Variants in HS6ST3 observed in about 807,000 individuals in gnomAD.
The protein encoded by HS6ST3 is heparan-sulfate 6-O-sulfotransferase 3.
A neutral mutation model predicts 36.7 loss-of-function variants in HS6ST3; 12 were observed. The observed-to-expected ratio is 0.33, with a 90% CI of 0.21 to 0.53. The LOEUF (loss-of-function observed/expected upper bound fraction) is 0.53, where lower values mean the gene tolerates loss of function less well. Ranked by LOEUF, HS6ST3 falls within the 20% of genes least tolerant of loss-of-function variation. The pLI, the probability that HS6ST3 is intolerant of heterozygous loss-of-function variation, is 0.95. For synonymous variants in HS6ST3, 240 were observed against 257.5 expected (o/e 0.93, Z 0.65); for missense variants, 584 against 640.9 (o/e 0.91, Z 0.96).
chr13:96,826,223 C>T (rs1242810015), intron 1 of HS6ST3, among the ~76,000 whole-genome samples: 5 of 152,116 alleles, frequency 3.3e-5, no homozygotes, highest in Non-Finnish European at 7.4e-5. Context: ...TCCATATCAC[C>T]TACCATCACA....
intron 1 of HS6ST3, among the ~76,000 whole-genome samples, chr13:96,252,228 C>T (rs116724921): frequency 1.7e-4 from 26 of 152,274 alleles, no homozygotes; most frequent in African/African-American, 6.0e-4. Flanking sequence ...TGTATATTTA[C>T]AATTGATGTA....
intron 1 of HS6ST3, among the ~76,000 whole-genome samples, chr13:96,499,483 A>C (rs2055993667): frequency 6.6e-6 from 1 of 152,108 alleles, no homozygotes; most frequent in African/African-American, 2.4e-5. Context: ...TGTTTACTGA[A>C]GTTATTAAGT....
chr13:96,515,763 T>C (rs1260551517), intron 1 of HS6ST3, among the ~76,000 whole-genome samples: 1 of 152,222 alleles, frequency 6.6e-6, no homozygotes, highest in Non-Finnish European at 1.5e-5. Flanking sequence ...GTAAGTTTCC[T>C]GAGGCCTCCC....
intron 1 of HS6ST3, among the ~76,000 whole-genome samples, chr13:96,474,116 A>ATT (rs5805973): frequency 4.6e-5 from 7 of 151,886 alleles, no homozygotes; most frequent in African/African-American, 1.7e-4. Flanking sequence ...TGCTTCATTG[A>ATT]TTTTTGCTGG....
intron 1 of HS6ST3, among the ~76,000 whole-genome samples, chr13:96,400,155 T>TCACA (rs55957302): frequency 0.011 from 1,569 of 145,262 alleles, 16 homozygotes; most frequent in East Asian, 0.027. Context: ...AGTGCTGAAA[T>TCACA]CACACACACA....
At chr13:96,722,501 CTT>C (rs976695245) in intron 1 of HS6ST3, among the ~76,000 whole-genome samples, 1 of 152,220 alleles carries the variant, frequency 6.6e-6, no homozygotes, top group Admixed American at 6.5e-5. Context: ...GGTCGTGACT[CTT>C]ATATTTTCTA....
At chr13:96,737,647 A>G (rs1262477932) in intron 1 of HS6ST3, among the ~76,000 whole-genome samples, 1 of 151,598 alleles carries the variant, frequency 6.6e-6, no homozygotes, top group Non-Finnish European at 1.5e-5. Context: ...AAAAAAAAAA[A>G]AAAAAAAAAA....
intron 1 of HS6ST3, among the ~76,000 whole-genome samples, chr13:96,484,044 C>A (rs2138900030): frequency 6.6e-6 from 1 of 152,186 alleles, no homozygotes; most frequent in South Asian, 2.1e-4. Context: ...TGTCAAAGAT[C>A]AGTTGACTAT....
In HS6ST3 at chr13:96,423,478, C is replaced by T. The variant is rs893823640; in HGVS notation, c.707+331909C>T. ...ATTGGCTGGAGAGTGTGCTGGGGTCCGGTGGAGTGAGGGTGACTGTCTGAT... is the reference window on the plus strand; with the variant it reads ...ATTGGCTGGAGAGTGTGCTGGGGTCTGGTGGAGTGAGGGTGACTGTCTGAT... On this transcript the variant is annotated intron_variant, in intron 1 of 1. Transcript: ENST00000376705. 7.9e-5 allele frequency among the ~76,000 whole-genome samples: 12 copies of T among 151,570 alleles called. No homozygotes were observed. The South Asian group carries it at 1.9e-3, about 24-fold the overall frequency.
intron 1 of HS6ST3, among the ~76,000 whole-genome samples, chr13:96,227,629 T>TA (rs1447512179): frequency 6.6e-6 from 1 of 152,202 alleles, no homozygotes; most frequent in Non-Finnish European, 1.5e-5. Context: ...GACAAATGCA[T>TA]AAAAATGATT....
chr13:96,539,197 T>G (rs919120967), intron 1 of HS6ST3, among the ~76,000 whole-genome samples: 3 of 152,198 alleles, frequency 2.0e-5, no homozygotes, highest in Non-Finnish European at 2.9e-5. Flanking sequence ...AAGTATAAAC[T>G]TAGAAAACAC....
chr13:96,683,652 A>G (rs1044042369), intron 1 of HS6ST3, among the ~76,000 whole-genome samples: 13 of 152,110 alleles, frequency 8.5e-5, no homozygotes, highest in Middle Eastern at 3.2e-3. Flanking sequence ...CAGTTCTGGA[A>G]GAATAGTGTC....
At chr13:96,765,027 T>C (rs953996444) in intron 1 of HS6ST3, among the ~76,000 whole-genome samples, 1 of 152,022 alleles carries the variant, frequency 6.6e-6, no homozygotes, top group African/African-American at 2.4e-5. Context: ...TAAAATTCAG[T>C]TGCACTTGCC....
rs1182248568 is a variant in HS6ST3, at chr13:96,837,049, C to G, written c.*3851C>G. ...GTTAAAACCTAGACATTTGCCACAT[C>G]TAGCTGCAAAGAAGGCTAGGGAATG... On this transcript the variant is annotated 3_prime_UTR_variant, in exon 2 of 2. Transcript: ENST00000376705. 1.3e-5 allele frequency: 2 copies of G among 152,156 alleles called. No homozygotes were observed. Among genetic ancestry groups the G allele is most frequent in the Non-Finnish European group, 2.9e-5 (2 of 68,048 alleles). 9.4% of individuals were successfully genotyped at this position (152,156 alleles called of 1,614,324 possible).
At chr13:96,235,932 A>G (rs567925299) in intron 1 of HS6ST3, among the ~76,000 whole-genome samples, 1 of 152,320 alleles carries the variant, frequency 6.6e-6, no homozygotes, top group East Asian at 1.9e-4. Flanking sequence ...GGCCATCTGC[A>G]AGCTGAGGAG....
rs373450637 is a variant in HS6ST3 at position 96,332,961 on chromosome 13, C to T, written c.707+241392C>T. Among the ~76,000 whole-genome samples the T allele has an allele frequency of 5.4e-4, 82 of 152,330 alleles. No homozygotes were observed. In the East Asian group the frequency reaches 5.6e-3, roughly 10 times the overall value. On this transcript the variant is annotated intron_variant, in intron 1 of 1. Coordinates refer to ENST00000376705, the MANE Select transcript of HS6ST3 (RefSeq NM_153456.4). ...GATCAGCCTTTCCACCAGGTGAGAA[C>T]TCACAGAGAAGATGCCATCTATGGT...
intron 1 of HS6ST3, among the ~76,000 whole-genome samples, chr13:96,210,400 G>A (rs1267522722): frequency 6.6e-6 from 1 of 152,172 alleles, no homozygotes; most frequent in Non-Finnish European, 1.5e-5. Flanking sequence ...AGGCAACTTT[G>A]CCAACTTTGG....
At chr13:96,750,913 A>G (rs1482642235) in intron 1 of HS6ST3, among the ~76,000 whole-genome samples, 2 of 152,274 alleles carry the variant, frequency 1.3e-5, no homozygotes, top group African/African-American at 4.8e-5. Context: ...TTACAGTCTC[A>G]TTGAAACATT....
intron 1 of HS6ST3, among the ~76,000 whole-genome samples, chr13:96,163,653 G>A (rs1208473475): frequency 6.6e-6 from 1 of 151,888 alleles, no homozygotes; most frequent in Admixed American, 6.6e-5. Flanking sequence ...TAATAGTATA[G>A]GATTAATTTA....
Sources: allele counts gnomAD v4.1 joint callset (sites outside exome capture counted in the v4.1 genomes callset), GRCh38; gene constraint gnomAD v4.1.1; transcripts MANE v1.5; gene names NCBI Gene and HGNC (gene_info 2026-07-23, HGNC 2026-07-21).